Variants in RBCK1 observed in about 807,000 individuals in gnomAD.
RBCK1 encodes ranBP-type and C3HC4-type zinc finger-containing protein 1.
A neutral mutation model predicts 71.1 loss-of-function variants in RBCK1; 44 were observed. That is an observed-to-expected ratio of 0.62 (90% CI 0.49 to 0.80). RBCK1 has a LOEUF of 0.80. Among genes scored for constraint, RBCK1 ranks in the 30% least tolerant of loss-of-function variants. The probability of loss-of-function intolerance (pLI) is 0.00; values close to 1 mark genes in which losing one functional copy is unlikely to be tolerated. For synonymous variants in RBCK1, 306 were observed against 279.7 expected, an observed-to-expected ratio of 1.09 and a Z score of -0.94; for missense variants, 569 against 685.0, an observed-to-expected ratio of 0.83 and a Z score of 1.89.
At position 417,287 on chromosome 20, in the gene RBCK1, GTGCT is replaced by G. The variant is rs762064217; in HGVS notation, c.168-238_168-235del. ...GGTGCCAGATCATGGAGGCCCTCGT[GTGCT>G]GCCACGAGTTGATTCTAAGAGTAGC... On this transcript the variant is annotated intron_variant, in intron 2 of 11. Transcript: ENST00000356286. The surrounding 1 kb of genome is among the most constrained non-coding windows in gnomAD (Gnocchi z 4.7). 9 of 697,860 alleles carry G rather than the reference GTGCT, an allele frequency of 1.3e-5. No homozygotes were observed. Among genetic ancestry groups the G allele is most frequent in the Non-Finnish European group, 2.2e-5 (8 of 368,760 alleles). 43.2% of individuals were successfully genotyped at this position (697,860 alleles called of 1,614,324 possible). A position where few individuals can be genotyped will look rare whatever the true frequency, so the allele number is the denominator to read the frequency against.
At chr20:418,582 A>T (rs142679585) in intron 4 of RBCK1, among the ~76,000 whole-genome samples, 5 of 151,950 alleles carry the variant, frequency 3.3e-5, no homozygotes, top group Admixed American at 1.3e-4. Context: ...GTTAGCCAGG[A>T]TGGTCTCGAT....
At position 408,732 on chromosome 20, in the gene RBCK1, C is replaced by T; in HGVS notation, c.-26C>T. On this transcript the variant is annotated 5_prime_UTR_variant, in exon 1 of 12. Coordinates refer to ENST00000356286, the MANE Select transcript of RBCK1 (RefSeq NM_031229.4). ...ATTTCCCAGGAGGCACGGTCCCCCC[C>T]AGGGGGATGGGCACAGCCACGCCAG... 1 of 1,612,358 alleles carries T rather than the reference C, an allele frequency of 6.2e-7. No homozygotes were observed. The highest frequency in any genetic ancestry group is 8.5e-7 in the Non-Finnish European group (1 of 1,179,554).
chr20:417,996 C>A lies in RBCK1; in HGVS notation c.460+66C>A, dbSNP rs1360877248. 1 of 1,478,358 alleles carries A rather than the reference C, an allele frequency of 6.8e-7. No individual in the cohort carries two copies. The highest frequency in any genetic ancestry group is 9.1e-7 in the Non-Finnish European group (1 of 1,103,276). The allele number at this position is 1,478,358 out of a possible 1,614,324, so 91.6% of individuals were successfully genotyped here. ...CCTGGACTCACTTGAGGGCATAGGG[C>A]AAGCAGGGGCAGAGCCCCTGGGTTT... On this transcript the variant is annotated intron_variant, in intron 4 of 11. Transcript: ENST00000356286. The surrounding 1 kb of genome is among the most constrained non-coding windows in gnomAD (Gnocchi z 4.7).
rs201072906 is a variant in RBCK1, at chr20:417,965, G to A, written c.460+35G>A. 2.4e-4 allele frequency: 379 copies of A among 1,580,370 alleles called. No homozygotes were observed. In the East Asian group the frequency reaches 7.8e-3, roughly 33 times the overall value. Reference sequence around the variant, plus strand: ...TGCCCTGAGCACCGCCGGACCCAGCGGGGGCCCTGGACTCACTTGAGGGCA... The same window carrying A: ...TGCCCTGAGCACCGCCGGACCCAGCAGGGGCCCTGGACTCACTTGAGGGCA... On this transcript the variant is annotated intron_variant, in intron 4 of 11. Coordinates refer to ENST00000356286, the MANE Select transcript of RBCK1 (RefSeq NM_031229.4). This position sits in a 1 kb window ranked among gnomAD's most constrained non-coding sequence, Gnocchi z 4.7.
At chr20:421,204 G>A (rs1186960737) in intron 7 of RBCK1, among the ~76,000 whole-genome samples, 173 bp downstream of exon 7, 1 of 152,166 alleles carries the variant, frequency 6.6e-6, no homozygotes, top group East Asian at 1.9e-4. Context: ...GGAAAGAGAG[G>A]CCCAGCGCCT....
chr20:425,574 C>T (rs1568564473), intron 8 of RBCK1, among the ~76,000 whole-genome samples: 1 of 149,260 alleles, frequency 6.7e-6, no homozygotes, highest in Non-Finnish European at 1.5e-5. Context: ...CCTCTTAGTT[C>T]TAGTTTCTCA....
intron 7 of RBCK1, 88 bp downstream of exon 7, chr20:421,119 T>A: frequency 7.1e-7 from 1 of 1,417,072 alleles, no homozygotes; most frequent in Non-Finnish European, 9.3e-7. Context: ...CCCTGTGCTC[T>A]GATACCTCAT....
At position 417,737 on chromosome 20, in the gene RBCK1, T is replaced by A; in HGVS notation, c.267T>A (p.Phe89Leu). Residue 89 changes from phenylalanine to leucine, a missense_variant, in exon 4 of 12, where the codon TTT becomes TTA. By Grantham distance (22) the Phe-to-Leu change is conservative. Coordinates refer to ENST00000356286, the MANE Select transcript of RBCK1 (RefSeq NM_031229.4). The surrounding 1 kb of genome is among the most constrained non-coding windows in gnomAD (Gnocchi z 4.7). The part of the protein sequence containing the change: ...MTVASLKDMV[F>L]LDYGFPPVLQ... ...CCTCTCTTTGCCCCCACCAGGTTTTTCTGGACTATGGCTTCCCACCAGTCT... is the reference window on the plus strand; with the variant it reads ...CCTCTCTTTGCCCCCACCAGGTTTTACTGGACTATGGCTTCCCACCAGTCT... 1 of 1,612,172 alleles carries A rather than the reference T, an allele frequency of 6.2e-7. No individual in the cohort carries two copies.
Position 408,638 on chromosome 20 carries a change from G to A in RBCK1, c.-120G>A. ...GAGGCACACACAGGGCTTGGGCCGCGCCGGAGGCCACACGGCCTGGCTGAG... is the reference window on the plus strand; with the variant it reads ...GAGGCACACACAGGGCTTGGGCCGCACCGGAGGCCACACGGCCTGGCTGAG... On this transcript the variant is annotated 5_prime_UTR_variant, in exon 1 of 12. Coordinates refer to ENST00000356286, the MANE Select transcript of RBCK1 (RefSeq NM_031229.4). 7.4e-7 allele frequency: 1 copy of A among 1,350,466 alleles called. No individual in the cohort carries two copies. Among genetic ancestry groups the A allele is most frequent in the Non-Finnish European group, 1.0e-6 (1 of 966,734 alleles). 83.7% of individuals were successfully genotyped at this position (1,350,466 alleles called of 1,614,324 possible).
At chr20:411,272 T>A (rs1038791024) in intron 2 of RBCK1, among the ~76,000 whole-genome samples, 10 of 152,166 alleles carry the variant, frequency 6.6e-5, no homozygotes, top group African/African-American at 2.4e-4. Flanking sequence ...GGTGCCATCA[T>A]CGCTCACTAC....
intron 8 of RBCK1, among the ~76,000 whole-genome samples, chr20:425,721 G>A (rs1303772129): frequency 2.7e-5 from 4 of 150,788 alleles, no homozygotes; most frequent in Admixed American, 6.6e-5. Context: ...CCACCTCCCG[G>A]GTTCAAACGA....
intron 11 of RBCK1, among the ~76,000 whole-genome samples, chr20:429,618 G>A (rs989242135): frequency 3.9e-5 from 6 of 152,226 alleles, no homozygotes; most frequent in Non-Finnish European, 7.3e-5. Context: ...TTCAGTGTCC[G>A]TAGGTAAAGT....
At position 428,554 on chromosome 20, in the gene RBCK1, G is replaced by A. The variant is rs775755546; in HGVS notation, c.1273G>A (p.Asp425Asn). ...GGACCTGGCCCTGCGGGCTCAGAAC[G>A]ATGTGGCTGCCCGGCAGACGACAGA... The part of the protein sequence containing the change: ...QEDLALRAQN[D>N]VAARQTTEML... The change falls in exon 10 of 12, where the codon GAT (aspartate) becomes AAT (asparagine). Residue 425 changes from aspartate (D) to asparagine (N), a missense_variant. Coordinates refer to ENST00000356286, the MANE Select transcript of RBCK1 (RefSeq NM_031229.4). The surrounding 1 kb of genome is among the most constrained non-coding windows in gnomAD (Gnocchi z 5.7). 10 of 1,612,674 alleles carry A rather than the reference G, an allele frequency of 6.2e-6. No homozygotes were observed. The highest frequency in any genetic ancestry group is 2.7e-5 in the African/African-American group (2 of 75,050).
chr20:415,595 G>GT (rs1048001279), intron 2 of RBCK1, among the ~76,000 whole-genome samples: 293 of 148,490 alleles, frequency 2.0e-3, no homozygotes, highest in African/African-American at 6.5e-3. Context: ...TATGCCACTA[G>GT]TTTTTTTTTT....
At chr20:412,804 A>C (rs2015783560) in intron 2 of RBCK1, among the ~76,000 whole-genome samples, 1 of 152,132 alleles carries the variant, frequency 6.6e-6, no homozygotes, top group African/African-American at 2.4e-5. Flanking sequence ...ATGTCCAGTT[A>C]GTCTATGTTT....
intron 2 of RBCK1, among the ~76,000 whole-genome samples, chr20:411,728 T>G (rs2015720768): frequency 6.6e-6 from 1 of 152,202 alleles, no homozygotes; most frequent in Non-Finnish European, 1.5e-5. Context: ...TCTGGGCTGG[T>G]CTTGAACTTC....
At position 420,951 on chromosome 20, in the gene RBCK1, C is replaced by A; in HGVS notation, c.837C>A (p.Pro279=). The change falls in exon 7 of 12, where the codon CCC becomes CCA. Residue 279 remains proline, a synonymous_variant. Transcript: ENST00000356286. ...GGAGCCTGGTGCTGAACACGGAGCCCGCCGAGTGCCCCGTGTGCTACTCGG... is the reference window on the plus strand; with the variant it reads ...GGAGCCTGGTGCTGAACACGGAGCCAGCCGAGTGCCCCGTGTGCTACTCGG... ...DQRSLVLNTE[P]AECPVCYSVL... is the part of the protein sequence containing the mutation. 6.4e-7 allele frequency: 1 copy of A among 1,556,502 alleles called. No individual in the cohort carries two copies. Among genetic ancestry groups the A allele is most frequent in the East Asian group, 2.4e-5 (1 of 41,600 alleles).
chr20:413,851 G>A (rs2015840257), intron 2 of RBCK1, among the ~76,000 whole-genome samples: 1 of 150,058 alleles, frequency 6.7e-6, no homozygotes, highest in Non-Finnish European at 1.5e-5. Context: ...AATAAAACAT[G>A]AGCGCTGAAA....
chr20:417,934 A>G lies in RBCK1; in HGVS notation c.460+4A>G. The G allele has an allele frequency of 6.2e-7, 1 of 1,603,796 alleles. No homozygotes were observed. Reference sequence around the variant, plus strand: ...CGGCAGCTGCGGATGCTGGAAGGTGAGGCTCTGCCCTGAGCACCGCCGGAC... The same window carrying G: ...CGGCAGCTGCGGATGCTGGAAGGTGGGGCTCTGCCCTGAGCACCGCCGGAC... On this transcript the variant is annotated splice_donor_region_variant and intron_variant, in intron 4 of 11. Transcript: ENST00000356286. The surrounding 1 kb of genome is among the most constrained non-coding windows in gnomAD (Gnocchi z 4.7).
Sources: allele counts gnomAD v4.1 joint callset (sites outside exome capture counted in the v4.1 genomes callset), GRCh38; gene constraint gnomAD v4.1.1; non-coding constraint Gnocchi (gnomAD v3.1); transcripts MANE v1.5; gene names NCBI Gene and HGNC (gene_info 2026-07-23, HGNC 2026-07-21).